NBEA: variants seen among roughly 807,000 people sequenced by gnomAD.
NBEA encodes neurobeachin.
A neutral mutation model predicts 343.4 loss-of-function variants in NBEA; 44 were observed. The observed-to-expected ratio is 0.13, with a 90% CI of 0.10 to 0.16. The LOEUF (loss-of-function observed/expected upper bound fraction) is 0.16. Ranked by LOEUF, NBEA falls within the 10% of genes least tolerant of loss-of-function variation. The pLI is 1.00. For synonymous variants in NBEA, 1,175 were observed against 1,238.7 expected (o/e 0.95, Z 1.08); for missense variants, 2,555 against 3,631.3 (o/e 0.70, Z 7.62).
intron 41 of NBEA, among the ~76,000 whole-genome samples, chr13:35,541,740 G>C (rs1457119448): frequency 6.6e-6 from 1 of 151,574 alleles, no homozygotes; most frequent in Non-Finnish European, 1.5e-5. Context: ...GTGTGTGTGT[G>C]TGTGTGTGTG....
intron 31 of NBEA, among the ~76,000 whole-genome samples, chr13:35,196,991 T>C (rs1425331346): frequency 6.6e-6 from 1 of 152,166 alleles, no homozygotes; most frequent in Admixed American, 6.6e-5. Flanking sequence ...ACAATTAACT[T>C]TTTATTCCAG....
At chr13:35,075,821 T>C (rs893482943) in intron 10 of NBEA, among the ~76,000 whole-genome samples, 3 of 152,024 alleles carry the variant, frequency 2.0e-5, no homozygotes, top group African/African-American at 7.2e-5. Context: ...GCAACAGAAT[T>C]ACCTGGAAAA....
chr13:35,058,896 G>T, intron 8 of NBEA, 33 bp downstream of exon 8: 2 of 1,513,492 alleles, frequency 1.3e-6, no homozygotes, highest in Non-Finnish European at 1.8e-6. Context: ...AAATTCTATG[G>T]AGAGTTTTAG....
At position 35,171,518 on chromosome 13, in the gene NBEA, T is replaced by C. The variant is rs988090133; in HGVS notation, c.4423+66T>C. 17 of 1,287,626 alleles carry C rather than the reference T, an allele frequency of 1.3e-5. No individual in the cohort carries two copies. In the African/African-American group the frequency reaches 2.5e-4, roughly 19 times the overall value. The allele number at this position is 1,287,626 out of a possible 1,614,324, so 79.8% of individuals were successfully genotyped here. On this transcript the variant is annotated intron_variant, in intron 26 of 58. Transcript: ENST00000379939. ...TACAGAGCAGCTTTATAAAGCACTA[T>C]GGTACATAAAATATTAATGATATAA...
At chr13:35,634,067 A>C (rs1168279852) in intron 49 of NBEA, among the ~76,000 whole-genome samples, 1 of 152,110 alleles carries the variant, frequency 6.6e-6, no homozygotes, top group East Asian at 1.9e-4. Flanking sequence ...ACATTAGGCC[A>C]GGCGCTGTGG....
chr13:35,591,242 C>A (rs1446202595), intron 46 of NBEA, among the ~76,000 whole-genome samples: 1 of 151,916 alleles, frequency 6.6e-6, no homozygotes, highest in African/African-American at 2.4e-5. Context: ...ATAGTTCCAC[C>A]AAGATTCAAA....
intron 38 of NBEA, among the ~76,000 whole-genome samples, chr13:35,379,088 T>A (rs1473758439): frequency 6.6e-6 from 1 of 152,098 alleles, no homozygotes; most frequent in African/African-American, 2.4e-5. Context: ...ATATTTGTTT[T>A]TTTTTTTATG....
At chr13:35,386,288 T>C (rs1481956195) in intron 38 of NBEA, among the ~76,000 whole-genome samples, 1 of 152,118 alleles carries the variant, frequency 6.6e-6, no homozygotes, top group East Asian at 1.9e-4. Context: ...TCCAGTACAT[T>C]ATGGATGACT....
At chr13:35,555,448 A>G (rs1162807848) in intron 44 of NBEA, among the ~76,000 whole-genome samples, 1 of 152,172 alleles carries the variant, frequency 6.6e-6, no homozygotes, top group Non-Finnish European at 1.5e-5. Flanking sequence ...GCAGCTAGAC[A>G]GGAGAATAAC....
At position 35,232,344 on chromosome 13, in the gene NBEA, A is replaced by G. The variant is rs529890737; in HGVS notation, c.5649-148A>G. ...CTTATGACTGTTTGTGAAACTGTACAGGGTATCCCTTATACATGAAGCTTG... is the reference window on the plus strand; with the variant it reads ...CTTATGACTGTTTGTGAAACTGTACGGGGTATCCCTTATACATGAAGCTTG... On this transcript the variant is annotated intron_variant, in intron 33 of 58. Coordinates refer to ENST00000379939, the MANE Select transcript of NBEA (RefSeq NM_001385012.1). The G allele has an allele frequency of 1.0e-4, 57 of 566,284 alleles. No homozygotes were observed. The African/African-American group carries it at 1.0e-3, about 10-fold the overall frequency. 35.1% of individuals were successfully genotyped at this position (566,284 alleles called of 1,614,324 possible).
intron 44 of NBEA, among the ~76,000 whole-genome samples, chr13:35,559,393 T>C (rs1361961064): frequency 6.6e-6 from 1 of 152,144 alleles, no homozygotes; most frequent in Non-Finnish European, 1.5e-5. Context: ...AGGGATACGG[T>C]TATTGTTCAG....
intron 38 of NBEA, among the ~76,000 whole-genome samples, chr13:35,386,238 A>C (rs2042237632): frequency 6.6e-6 from 1 of 152,144 alleles, no homozygotes. Context: ...AAATACTTAC[A>C]CTTTGTTTGC....
intron 10 of NBEA, among the ~76,000 whole-genome samples, chr13:35,088,775 C>T (rs2064909037): frequency 6.6e-6 from 1 of 150,492 alleles, no homozygotes; most frequent in South Asian, 2.1e-4. Context: ...ACTATCTGAT[C>T]TTTGACAAAC....
intron 35 of NBEA, among the ~76,000 whole-genome samples, chr13:35,296,650 T>C (rs771512022): frequency 3.9e-5 from 6 of 152,034 alleles, no homozygotes; most frequent in Non-Finnish European, 8.8e-5. Flanking sequence ...CTCCCAGTAT[T>C]TTGGTTTATT....
At chr13:35,230,711 A>G (rs972565204) in intron 33 of NBEA, among the ~76,000 whole-genome samples, 7 of 152,166 alleles carry the variant, frequency 4.6e-5, no homozygotes, top group African/African-American at 1.7e-4. Flanking sequence ...GATTATGCTT[A>G]TTCGGTGACT....
At chr13:35,118,847 A>G (rs1380381664) in intron 16 of NBEA, among the ~76,000 whole-genome samples, 1 of 152,060 alleles carries the variant, frequency 6.6e-6, no homozygotes, top group African/African-American at 2.4e-5. Flanking sequence ...GGTTCATAGA[A>G]TGGTAATAAC....
Position 35,253,020 on chromosome 13 carries a change from G to A in NBEA, c.5776+20401G>A, listed in dbSNP as rs111593278. On this transcript the variant is annotated intron_variant, in intron 34 of 58. Coordinates refer to ENST00000379939, the MANE Select transcript of NBEA (RefSeq NM_001385012.1). ...CCTGACAGGGCTGAACATGCCTGCCGAGGAAGTATGCATCCTGTGTTCCTG... is the reference window on the plus strand; with the variant it reads ...CCTGACAGGGCTGAACATGCCTGCCAAGGAAGTATGCATCCTGTGTTCCTG... Among the ~76,000 whole-genome samples the A allele has an allele frequency of 5.8e-3, 884 of 152,200 alleles. 5 individuals carry two copies. The highest frequency in any genetic ancestry group is 0.02 in the African/African-American group (848 of 41,526).
intron 1 of NBEA, among the ~76,000 whole-genome samples, chr13:34,948,234 C>T (rs746866538): frequency 3.9e-5 from 6 of 152,164 alleles, no homozygotes; most frequent in Non-Finnish European, 7.3e-5. Flanking sequence ...TTAGGTGGGT[C>T]TACCCCACTG....
At chr13:35,013,262 C>T (rs1436046534) in intron 1 of NBEA, among the ~76,000 whole-genome samples, 1 of 152,070 alleles carries the variant, frequency 6.6e-6, no homozygotes, top group Non-Finnish European at 1.5e-5. Flanking sequence ...TAACCCAACC[C>T]TGAGAGATAT....
Sources: allele counts gnomAD v4.1 joint callset (sites outside exome capture counted in the v4.1 genomes callset), GRCh38; gene constraint gnomAD v4.1.1; transcripts MANE v1.5; gene names NCBI Gene and HGNC (gene_info 2026-07-23, HGNC 2026-07-21).